The following RYR2 variants were observed in gnomAD, a reference collection of about 807,000 sequenced individuals.
RYR2 encodes cardiac muscle ryanodine receptor-calcium release channel.
Under a neutral mutation model 601.1 loss-of-function variants are expected in RYR2, and 227 were observed. The ratio of observed to expected loss-of-function variants is 0.38; its 90% CI spans 0.34 to 0.42. RYR2 has a LOEUF of 0.42. RYR2 is among the 10% of genes least tolerant of loss of function. The pLI, the probability that RYR2 is intolerant of heterozygous loss-of-function variation, is 1.00. For missense variants in RYR2, 4,646 were observed against 6,156.5 expected (o/e 0.75, Z 8.21); for synonymous variants, 2,223 against 2,175.1 (o/e 1.02, Z -0.61).
chr1:237,792,368 T>TGCGC, intron 94 of RYR2, 45 bp downstream of exon 94: 1 of 928,266 alleles, frequency 1.1e-6, no homozygotes, highest in South Asian at 1.6e-5. Flanking sequence ...TGTGTGTGTG[T>TGCGC]GTGTGTGTGT....
intron 2 of RYR2, among the ~76,000 whole-genome samples, chr1:237,311,307 G>A (rs1195418680): frequency 6.6e-6 from 1 of 151,944 alleles, no homozygotes; most frequent in East Asian, 1.9e-4. Flanking sequence ...CTATCAGGAA[G>A]GTATATATGA....
intron 63 of RYR2, among the ~76,000 whole-genome samples, chr1:237,690,328 A>C (rs567041167): frequency 6.6e-6 from 1 of 152,304 alleles, no homozygotes; most frequent in South Asian, 2.1e-4. Context: ...AAGGGACTTA[A>C]ATTCTCTGAA....
At chr1:237,306,594 C>T (rs991473860) in intron 2 of RYR2, among the ~76,000 whole-genome samples, 1 of 151,876 alleles carries the variant, frequency 6.6e-6, no homozygotes, top group African/African-American at 2.4e-5. Flanking sequence ...AATTATTTGA[C>T]CTTTTGTGTG....
chr1:237,342,302 C>G (rs1440581388), intron 3 of RYR2, among the ~76,000 whole-genome samples: 1 of 150,676 alleles, frequency 6.6e-6, no homozygotes, highest in Non-Finnish European at 1.5e-5. Flanking sequence ...GCCACCATGC[C>G]TGGCTAATTA....
chr1:237,465,968 A>G (rs1446617955), intron 16 of RYR2, among the ~76,000 whole-genome samples: 1 of 152,238 alleles, frequency 6.6e-6, no homozygotes, highest in East Asian at 1.9e-4. Context: ...TTACTTATTT[A>G]TTGAATATGT....
In RYR2 at chr1:237,042,656, G is replaced by A. The variant is rs180690341; in HGVS notation, c.48+87G>A. The stretch of plus-strand genomic sequence containing the variant: ...GGTCCGGGCAGAGTGACAGCGGGCA[G>A]CGGGGACTCGCGGGCGGGGCGAGGG... On this transcript the variant is annotated intron_variant, in intron 1 of 104. Coordinates refer to ENST00000366574, the MANE Select transcript of RYR2 (RefSeq NM_001035.3). 3.7e-4 allele frequency: 449 copies of A among 1,202,152 alleles called. 1 individual carries two copies. The African/African-American group carries it at 5.4e-3, about 14-fold the overall frequency. The allele number at this position is 1,202,152 out of a possible 1,614,324, so 74.5% of individuals were successfully genotyped here.
At chr1:237,643,841 C>T (rs997098921) in intron 48 of RYR2, among the ~76,000 whole-genome samples, 1 of 152,106 alleles carries the variant, frequency 6.6e-6, no homozygotes, top group Non-Finnish European at 1.5e-5. Flanking sequence ...GTCTCGATCT[C>T]CTGACCTCGT....
At chr1:237,326,005 A>G (rs780531199) in intron 2 of RYR2, among the ~76,000 whole-genome samples, 2 of 152,198 alleles carry the variant, frequency 1.3e-5, no homozygotes, top group Non-Finnish European at 2.9e-5. Context: ...TGGTGGCTTA[A>G]TGTGGCTTAT....
chr1:237,390,517 T>TTATTTAGTCTGTTGCTAC (rs370047024), intron 10 of RYR2, among the ~76,000 whole-genome samples: 3,797 of 152,246 alleles, frequency 0.025, 187 homozygotes, highest in African/African-American at 0.087. Flanking sequence ...TTTATTGTTA[T>TTATTTAGTCTGTTGCTAC]TATTTAGTCT....
At chr1:237,164,168 T>C (rs1676359889) in intron 1 of RYR2, among the ~76,000 whole-genome samples, 1 of 152,192 alleles carries the variant, frequency 6.6e-6, no homozygotes, top group Non-Finnish European at 1.5e-5. Flanking sequence ...GTGCCTGTAG[T>C]CCCAGTCAGT....
At chr1:237,787,583 C>CTCTG (rs1278503022) in intron 91 of RYR2, among the ~76,000 whole-genome samples, 2 of 129,388 alleles carry the variant, frequency 1.5e-5, no homozygotes, top group African/African-American at 6.2e-5. Flanking sequence ...CAGAGCGAGA[C>CTCTG]TCTGTCTCAA....
rs1341565026 is a variant in RYR2 at position 237,591,830 on chromosome 1, G to C, written c.4252G>C (p.Asp1418His). 1.2e-6 allele frequency: 2 copies of C among 1,613,062 alleles called. No individual in the cohort carries two copies. Among genetic ancestry groups the C allele is most frequent in the Non-Finnish European group, 1.7e-6 (2 of 1,179,512 alleles). ...DVLADDRDDYDFLMQTSTYYY... is the reference protein window; with the variant it reads ...DVLADDRDDYHFLMQTSTYYY... ...CCTTGCTGATGATCGGGATGACTAT[G>C]ATTTCTTGATGCAAACGTCCACGGT... Residue 1418 changes from aspartate (D) to histidine (H), a missense_variant, in exon 32 of 105, where the codon GAT becomes CAT. Transcript: ENST00000366574.
At chr1:237,140,824 A>G (rs921856596) in intron 1 of RYR2, among the ~76,000 whole-genome samples, 2 of 152,186 alleles carry the variant, frequency 1.3e-5, no homozygotes, top group African/African-American at 4.8e-5. Flanking sequence ...TCTATAATAC[A>G]ATGACCTGGC....
chr1:237,110,789 C>G (rs1669386513), intron 1 of RYR2, among the ~76,000 whole-genome samples: 1 of 152,206 alleles, frequency 6.6e-6, no homozygotes, highest in African/African-American at 2.4e-5. Context: ...CTGAAACATT[C>G]TCTTTGGTTA....
chr1:237,542,256 G>A (rs1332027427), intron 25 of RYR2, among the ~76,000 whole-genome samples: 1 of 151,896 alleles, frequency 6.6e-6, no homozygotes, highest in Non-Finnish European at 1.5e-5. Context: ...ACCACACCCA[G>A]CTAATTTTGT....
chr1:237,419,891 C>T (rs529317311), intron 11 of RYR2, among the ~76,000 whole-genome samples: 5 of 152,132 alleles, frequency 3.3e-5, no homozygotes, highest in African/African-American at 1.2e-4. Context: ...GTCTTATATG[C>T]AATGGCCACA....
At chr1:237,629,115 T>C (rs1410197057) in intron 41 of RYR2, among the ~76,000 whole-genome samples, 1 of 152,174 alleles carries the variant, frequency 6.6e-6, no homozygotes, top group Non-Finnish European at 1.5e-5. Flanking sequence ...AGAAAAAGAA[T>C]GGGATGCAAC....
At chr1:237,608,534 C>CA (rs896840910) in intron 35 of RYR2, among the ~76,000 whole-genome samples, 1 of 151,912 alleles carries the variant, frequency 6.6e-6, no homozygotes, top group Non-Finnish European at 1.5e-5. Context: ...CCCATCTCTA[C>CA]AAAAAATAAA....
In RYR2 at chr1:237,042,409, C is replaced by G; in HGVS notation, c.-113C>G. ...GGCGCTCGGCACCCGGCAGCGCGGC[C>G]CCCTCCAGCCCCCGGCTCCCGGCAG... is the stretch of plus-strand genomic sequence containing the variant. On this transcript the variant is annotated 5_prime_UTR_variant, in exon 1 of 105. Coordinates refer to ENST00000366574, the MANE Select transcript of RYR2 (RefSeq NM_001035.3). 1.9e-6 allele frequency: 2 copies of G among 1,041,146 alleles called. No homozygotes were observed. Among genetic ancestry groups the G allele is most frequent in the Non-Finnish European group, 2.4e-6 (2 of 821,610 alleles). The allele number at this position is 1,041,146 out of a possible 1,614,324, so 64.5% of individuals were successfully genotyped here.
Sources: gnomAD v4.1 joint callset for allele counts (sites outside exome capture counted in the v4.1 genomes callset) on GRCh38, gnomAD v4.1.1 for gene constraint, MANE v1.5 for transcripts, NCBI Gene and HGNC (gene_info 2026-07-23, HGNC 2026-07-21) for gene names.